The following FOXP1 variants were observed in gnomAD, a reference collection of about 807,000 sequenced individuals.
FOXP1 encodes the protein forkhead box protein P1.
FOXP1 carries 15 observed loss-of-function variants against 98.2 expected under a neutral mutation model. The ratio of observed to expected loss-of-function variants is 0.15; its 90% confidence interval spans 0.10 to 0.24. The LOEUF (loss-of-function observed/expected upper bound fraction) is 0.24. FOXP1 is among the 10% of genes least tolerant of loss of function. FOXP1 has a pLI of 1.00. For missense variants in FOXP1, 633 were observed against 848.5 expected (o/e 0.75, Z 3.15); for synonymous variants, 371 against 314.5 (o/e 1.18, Z -1.90).
intron 6 of FOXP1, among the ~76,000 whole-genome samples, chr3:71,126,308 C>A (rs1420209534): frequency 6.7e-6 from 1 of 148,280 alleles, no homozygotes; most frequent in Non-Finnish European, 1.5e-5. Flanking sequence ...CACAGCGAAA[C>A]CCCGTCTCTA....
At position 71,489,767 on chromosome 3, in the gene FOXP1, G is replaced by A. The variant is rs549538590; in HGVS notation, c.-168+3659C>T. On this transcript the variant is annotated intron_variant, in intron 3 of 20. Transcript: ENST00000649528. The stretch of plus-strand genomic sequence containing the variant: ...GCCTCTAAGTTAATTTATTATGCAA[G>A]CATGGTTACCGCCGGCATCAATCGA... 1.2e-4 allele frequency among the ~76,000 whole-genome samples: 18 copies of A among 152,312 alleles called. No individual in the cohort carries two copies. In the South Asian group the frequency reaches 3.3e-3, roughly 28 times the overall value.
chr3:71,197,844 G>T (rs1451540905), intron 6 of FOXP1: 1 of 1,598,840 alleles, frequency 6.3e-7, no homozygotes, highest in Non-Finnish European at 8.6e-7. Flanking sequence ...CCTGTTTTTC[G>T]TTTAATTTTT....
At chr3:71,359,559 T>C (rs1381980552) in intron 3 of FOXP1, among the ~76,000 whole-genome samples, 1 of 152,166 alleles carries the variant, frequency 6.6e-6, no homozygotes, top group African/African-American at 2.4e-5. Flanking sequence ...ATTTCTTTTC[T>C]TTTTTCTGAG....
chr3:71,052,822 A>C (rs1429302349), intron 8 of FOXP1, among the ~76,000 whole-genome samples, 196 bp from the exon 9 acceptor site: 1 of 152,212 alleles, frequency 6.6e-6, no homozygotes, highest in Non-Finnish European at 1.5e-5. Flanking sequence ...GTAATCTCCA[A>C]AATGAACTGA....
At chr3:71,033,754 C>T (rs1258087771) in intron 11 of FOXP1, among the ~76,000 whole-genome samples, 1 of 152,146 alleles carries the variant, frequency 6.6e-6, no homozygotes, top group African/African-American at 2.4e-5. Context: ...AGAATCCTTT[C>T]TCCCACTTCT....
At chr3:71,106,914 C>T (rs145603954) in intron 7 of FOXP1, among the ~76,000 whole-genome samples, 14 of 151,798 alleles carry the variant, frequency 9.2e-5, no homozygotes, top group African/African-American at 2.9e-4. Context: ...GCTGGGACTA[C>T]AGGCACCGGG....
rs2106799493 is a variant in FOXP1, at chr3:70,956,030, TC to T, written c.*3216del. On this transcript the variant is annotated 3_prime_UTR_variant, in exon 21 of 21. Coordinates refer to ENST00000649528, the MANE Select transcript of FOXP1 (RefSeq NM_001349338.3). ...TAAATAAAATACATGTGCAGCATAT[TC>T]TGCAATTCCGTTACATACAGTAGTT... 8.6e-6 allele frequency: 2 copies of T among 233,258 alleles called. No individual in the cohort carries two copies. Among genetic ancestry groups the T allele is most frequent in the East Asian group, 1.2e-4 (2 of 16,570 alleles). The allele number at this position is 233,258 out of a possible 1,614,324, so 14.4% of individuals were successfully genotyped here. A position where few individuals can be genotyped will look rare whatever the true frequency, so the allele number is the denominator to read the frequency against.
At chr3:71,038,772 T>C (rs1466561922) in intron 11 of FOXP1, among the ~76,000 whole-genome samples, 1 of 151,672 alleles carries the variant, frequency 6.6e-6, no homozygotes, top group Non-Finnish European at 1.5e-5. Flanking sequence ...CAAATGATCC[T>C]CCCACCTCAG....
chr3:71,308,780 T>C, intron 4 of FOXP1, among the ~76,000 whole-genome samples: 1 of 150,722 alleles, frequency 6.6e-6, no homozygotes, highest in African/African-American at 2.4e-5. Flanking sequence ...TGTGTGTGTG[T>C]GTGTGTGTGT....
chr3:71,014,938 C>T (rs914483208), intron 12 of FOXP1, among the ~76,000 whole-genome samples: 3 of 149,970 alleles, frequency 2.0e-5, no homozygotes, highest in Admixed American at 6.7e-5. Context: ...GGGAATTGAA[C>T]GATGAGAACA....
chr3:71,249,443 A>G (rs1190347203), intron 5 of FOXP1, among the ~76,000 whole-genome samples: 2 of 152,224 alleles, frequency 1.3e-5, no homozygotes, highest in African/African-American at 4.8e-5. Flanking sequence ...TAATCTTTAC[A>G]ATTGCCTTGC....
At chr3:71,383,786 G>A (rs1256407322) in intron 3 of FOXP1, among the ~76,000 whole-genome samples, 1 of 152,120 alleles carries the variant, frequency 6.6e-6, no homozygotes, top group Admixed American at 6.5e-5. Context: ...AAACTAAATT[G>A]CCGTTTTTAA....
intron 3 of FOXP1, among the ~76,000 whole-genome samples, chr3:71,449,196 C>G (rs559199291): frequency 2.0e-4 from 31 of 152,130 alleles, no homozygotes; most frequent in Middle Eastern, 3.4e-3. Flanking sequence ...CAAGGTTTTT[C>G]TTAATTGCAA....
intron 4 of FOXP1, among the ~76,000 whole-genome samples, chr3:71,336,898 C>T (rs4677607): frequency 0.4 from 61,276 of 152,030 alleles, 14,002 homozygotes; most frequent in East Asian, 0.73. Flanking sequence ...ACATGTTGAA[C>T]TGAGGATGCA....
At chr3:71,249,935 C>A (rs948009888) in intron 5 of FOXP1, among the ~76,000 whole-genome samples, 1 of 152,136 alleles carries the variant, frequency 6.6e-6, no homozygotes, top group Non-Finnish European at 1.5e-5. Flanking sequence ...CTTTTCTGAA[C>A]GTAATCACAG....
At chr3:71,216,351 G>A (rs1221128028) in intron 5 of FOXP1, among the ~76,000 whole-genome samples, 1 of 152,188 alleles carries the variant, frequency 6.6e-6, no homozygotes, top group African/African-American at 2.4e-5. Flanking sequence ...TTCCACAAAT[G>A]TGACTTCCTT....
chr3:71,005,199 C>T (rs2042609234), intron 12 of FOXP1, among the ~76,000 whole-genome samples: 1 of 148,606 alleles, frequency 6.7e-6, no homozygotes, highest in Non-Finnish European at 1.5e-5. Flanking sequence ...TAAGTTGAGA[C>T]ATCAAAAACT....
chr3:71,543,949 C>A (rs1161977275), intron 2 of FOXP1, among the ~76,000 whole-genome samples: 2 of 151,312 alleles, frequency 1.3e-5, no homozygotes, highest in Non-Finnish European at 3.0e-5. Context: ...CTCTTATTTA[C>A]TATATGCTGT....
intron 20 of FOXP1, 113 bp from the exon 21 acceptor site, chr3:70,959,504 C>T (rs2032699880): frequency 8.6e-7 from 1 of 1,162,872 alleles, no homozygotes; most frequent in African/African-American, 1.5e-5. Flanking sequence ...AGAACTCTGT[C>T]CAGTATTGTT....
Sources: gnomAD v4.1 joint callset for allele counts (sites outside exome capture counted in the v4.1 genomes callset) on GRCh38, gnomAD v4.1.1 for gene constraint, MANE v1.5 for transcripts, NCBI Gene and HGNC (gene_info 2026-07-23, HGNC 2026-07-21) for gene names.